The following SHCBP1L variants were observed in gnomAD, a reference collection of about 807,000 sequenced individuals.
The protein encoded by SHCBP1L is SHC binding and spindle associated 1 like.
In SHCBP1L, 67 loss-of-function variants were observed where a neutral mutation model predicts 62.5. That is an observed-to-expected ratio of 1.07 (90% CI 0.88 to 1.31). SHCBP1L has a LOEUF of 1.31. Ranked by LOEUF, SHCBP1L falls within the 40% of genes most tolerant of loss-of-function variation. The probability of loss-of-function intolerance (pLI) is 0.00; values close to 1 mark genes in which losing one functional copy is unlikely to be tolerated. For missense variants in SHCBP1L, 823 were observed against 809.8 expected (o/e 1.02, Z -0.20); for synonymous variants, 284 against 289.4 (o/e 0.98, Z 0.19).
intron 6 of SHCBP1L, among the ~76,000 whole-genome samples, chr1:182,906,264 G>T (rs571671653): frequency 3.3e-5 from 5 of 151,294 alleles, no homozygotes; most frequent in African/African-American, 1.2e-4. Context: ...CCGCTATAAG[G>T]TTAAGGAAAT....
At chr1:182,918,397 T>G (rs974892754) in intron 6 of SHCBP1L, among the ~76,000 whole-genome samples, 2 of 151,558 alleles carry the variant, frequency 1.3e-5, no homozygotes, top group African/African-American at 4.8e-5. Context: ...TTAAGAAAAT[T>G]CCATTTACAA....
intron 6 of SHCBP1L, among the ~76,000 whole-genome samples, chr1:182,910,992 C>T (rs562094344): frequency 2.2e-4 from 33 of 152,054 alleles, no homozygotes; most frequent in South Asian, 1.0e-3. Flanking sequence ...CGGGTTCAAG[C>T]GATTCTCCTG....
intron 6 of SHCBP1L, among the ~76,000 whole-genome samples, chr1:182,919,175 CAG>C (rs1187461382): frequency 6.6e-6 from 1 of 152,164 alleles, no homozygotes; most frequent in African/African-American, 2.4e-5. Context: ...TGCTGTATAA[CAG>C]AATGCTACAG....
At chr1:182,924,797 A>AAGGAAGGAAGG (rs1557996934) in intron 6 of SHCBP1L, among the ~76,000 whole-genome samples, 1 of 122,746 alleles carries the variant, frequency 8.1e-6, no homozygotes, top group African/African-American at 4.4e-5. Flanking sequence ...AGAGAGAAAG[A>AAGGAAGGAAGG]AAGGAAGGAA....
chr1:182,908,557 T>C (rs1045599054), intron 6 of SHCBP1L, among the ~76,000 whole-genome samples: 8 of 152,214 alleles, frequency 5.3e-5, no homozygotes, highest in African/African-American at 1.9e-4. Flanking sequence ...TTTGCTATTA[T>C]GAATAGCACA....
chr1:182,925,094 GA>G, intron 6 of SHCBP1L, among the ~76,000 whole-genome samples: 1 of 151,226 alleles, frequency 6.6e-6, no homozygotes, highest in East Asian at 2.0e-4. Context: ...GGAAAGGAAG[GA>G]AAGAAGTGAA....
intron 9 of SHCBP1L, among the ~76,000 whole-genome samples, chr1:182,900,969 T>A (rs1274873624): frequency 2.0e-5 from 3 of 152,206 alleles, no homozygotes; most frequent in African/African-American, 7.2e-5. Flanking sequence ...TGTATGGCAA[T>A]ACAACCCATG....
intron 2 of SHCBP1L, among the ~76,000 whole-genome samples, 200 bp from the exon 3 acceptor site, chr1:182,940,743 T>C (rs1159513756): frequency 1.3e-5 from 2 of 152,158 alleles, no homozygotes; most frequent in Non-Finnish European, 2.9e-5. Context: ...TTAAATACAT[T>C]TTTTTTCAGT....
At chr1:182,947,236 CAAA>C (rs761348678) in intron 2 of SHCBP1L, among the ~76,000 whole-genome samples, 4 of 62,220 alleles carry the variant, frequency 6.4e-5, no homozygotes, top group Admixed American at 1.7e-4. Flanking sequence ...GACTCTGTCT[CAAA>C]AAAAAAAAAA....
intron 5 of SHCBP1L, among the ~76,000 whole-genome samples, chr1:182,933,851 T>C (rs1375633193): frequency 6.6e-6 from 1 of 152,210 alleles, no homozygotes; most frequent in Non-Finnish European, 1.5e-5. Flanking sequence ...TCTCACAGAA[T>C]GAGTTGGGAA....
intron 6 of SHCBP1L, among the ~76,000 whole-genome samples, chr1:182,920,515 T>C (rs1368146295): frequency 1.3e-5 from 2 of 152,066 alleles, no homozygotes; most frequent in South Asian, 4.1e-4. Context: ...AAAGCCAGAG[T>C]GTCTTCTTAC....
chr1:182,922,973 A>G (rs1650570702), intron 6 of SHCBP1L, among the ~76,000 whole-genome samples: 1 of 152,184 alleles, frequency 6.6e-6, no homozygotes, highest in African/African-American at 2.4e-5. Context: ...TTTTTGAAAG[A>G]ATAAATAAGA....
intron 2 of SHCBP1L, among the ~76,000 whole-genome samples, chr1:182,948,826 G>C (rs1171821898): frequency 6.6e-6 from 1 of 152,172 alleles, no homozygotes; most frequent in Non-Finnish European, 1.5e-5. Flanking sequence ...TAAGACTAAA[G>C]AAGCAGAGTC....
intron 5 of SHCBP1L, among the ~76,000 whole-genome samples, chr1:182,930,695 GTGTGTGTGTATATATA>G (rs1650961977): frequency 1.3e-5 from 1 of 74,632 alleles, no homozygotes; most frequent in Non-Finnish European, 2.2e-5. Context: ...GTGTGTGTGT[GTGTGTGTGTATATATA>G]TATATATATA....
At chr1:182,945,010 G>C (rs1373417252) in intron 2 of SHCBP1L, among the ~76,000 whole-genome samples, 1 of 132,890 alleles carries the variant, frequency 7.5e-6, no homozygotes, top group Admixed American at 8.5e-5. Context: ...ACCCAGGCTA[G>C]AGTGCAGTGG....
intron 5 of SHCBP1L, among the ~76,000 whole-genome samples, chr1:182,934,728 G>A (rs1259678276): frequency 6.6e-6 from 1 of 151,946 alleles, no homozygotes; most frequent in Non-Finnish European, 1.5e-5. Flanking sequence ...ATACAGTATT[G>A]TTGTGGTACC....
chr1:182,904,057 A>C, intron 8 of SHCBP1L, 123 bp downstream of exon 8: 5 of 1,202,770 alleles, frequency 4.2e-6, no homozygotes, highest in Non-Finnish European at 5.7e-6. Flanking sequence ...TCTACCAGTT[A>C]CTAAGTTTAA....
chr1:182,943,068 A>G (rs1347543707), intron 2 of SHCBP1L, among the ~76,000 whole-genome samples: 2 of 152,198 alleles, frequency 1.3e-5, no homozygotes, highest in Admixed American at 6.5e-5. Context: ...ATATTTCCAA[A>G]GAGTCATTAC....
Position 182,953,013 on chromosome 1 carries a change from T to G in SHCBP1L, c.121A>C (p.Lys41Gln). The change falls in exon 1 of 10, where the codon AAG becomes CAG. Residue 41 changes from lysine to glutamine, a missense_variant. Physicochemically the swap from Lys to Gln is moderately conservative, Grantham distance 53. Coordinates refer to ENST00000367547, the MANE Select transcript of SHCBP1L (RefSeq NM_030933.4). ...SGDTAAATTL[K>Q]GTAIPVRSVV... ...GACCGCACTGGGATCGCGGTGCCCTTCAGGGTGGTCGCGGCCGCCGTGTCC... is the reference window on the plus strand; with the variant it reads ...GACCGCACTGGGATCGCGGTGCCCTGCAGGGTGGTCGCGGCCGCCGTGTCC... 6.5e-7 allele frequency: 1 copy of G among 1,542,840 alleles called. No individual in the cohort carries two copies. The highest frequency in any genetic ancestry group is 8.7e-7 in the Non-Finnish European group (1 of 1,148,604).
Sources: gnomAD v4.1 joint callset for allele counts (sites outside exome capture counted in the v4.1 genomes callset) on GRCh38, gnomAD v4.1.1 for gene constraint, MANE v1.5 for transcripts, NCBI Gene and HGNC (gene_info 2026-07-23, HGNC 2026-07-21) for gene names.